TMEFF2: variants seen among roughly 807,000 people sequenced by gnomAD.
The protein encoded by TMEFF2 is transmembrane protein with EGF like and two follistatin like domains 2.
In TMEFF2, 28 loss-of-function variants were observed where a neutral mutation model predicts 53.8. The ratio of observed to expected loss-of-function variants is 0.52; its 90% CI spans 0.39 to 0.71. TMEFF2 has a LOEUF of 0.71. Ranked by LOEUF, TMEFF2 falls within the 30% of genes least tolerant of loss-of-function variation. The probability of loss-of-function intolerance (pLI) is 0.00; values close to 1 mark genes in which losing one functional copy is unlikely to be tolerated. For synonymous variants in TMEFF2, 162 were observed against 166.3 expected (o/e 0.97, Z 0.20); for missense variants, 353 against 455.2 (o/e 0.78, Z 2.04).
intron 4 of TMEFF2, among the ~76,000 whole-genome samples, chr2:192,068,701 T>G (rs984009397): frequency 2.6e-5 from 4 of 151,890 alleles, no homozygotes; most frequent in Non-Finnish European, 5.9e-5. Flanking sequence ...TTGCCTACTA[T>G]GGGCATTAGT....
rs561687343 is a variant in TMEFF2, at chr2:192,101,417, C to T, written c.440-43642G>A. On this transcript the variant is annotated intron_variant, in intron 4 of 9. Transcript: ENST00000272771. ...TATTTACAAAACAACAATATAGTTA[C>T]TTTTTTCTGCAGTTTATAATTTGTG... is the stretch of plus-strand genomic sequence containing the variant. Among the ~76,000 whole-genome samples the T allele has an allele frequency of 9.2e-5, 14 of 152,178 alleles. No homozygotes were observed. The South Asian group carries it at 2.7e-3, about 29-fold the overall frequency.
rs375876597 is a variant in TMEFF2, at chr2:192,051,230, G to GGTTT, written c.536+6448_536+6449insAAAC. ...AGCAGATCTATTATCTTTTTTCTGG[G>GGTTT]TTTTTTTTTTTCATTGTCTCCATGA... On this transcript the variant is annotated intron_variant, in intron 5 of 9. Coordinates refer to ENST00000272771, the MANE Select transcript of TMEFF2 (RefSeq NM_016192.4). Among the ~76,000 whole-genome samples the GGTTT allele has an allele frequency of 1.5e-4, 22 of 145,634 alleles. No homozygotes were observed. The East Asian group carries it at 2.8e-3, about 18-fold the overall frequency.
intron 4 of TMEFF2, among the ~76,000 whole-genome samples, chr2:192,087,554 G>A (rs1361619945): frequency 6.6e-6 from 1 of 152,080 alleles, no homozygotes. Context: ...AAAAGCCTAA[G>A]GCATACTGCC....
chr2:192,094,644 A>C (rs1371306107), intron 4 of TMEFF2, among the ~76,000 whole-genome samples: 1 of 152,190 alleles, frequency 6.6e-6, no homozygotes, highest in East Asian at 1.9e-4. Flanking sequence ...CTCTTCTTAA[A>C]CCAGTCTATC....
intron 4 of TMEFF2, among the ~76,000 whole-genome samples, chr2:192,125,752 C>T (rs975054967): frequency 6.6e-6 from 1 of 152,172 alleles, no homozygotes; most frequent in East Asian, 1.9e-4. Flanking sequence ...CTGTTATCCT[C>T]AGCAAACTAA....
chr2:191,992,572 G>A (rs1435065015), intron 7 of TMEFF2: 1 of 151,946 alleles, frequency 6.6e-6, no homozygotes, highest in Non-Finnish European at 1.5e-5. Flanking sequence ...TACCCTTAGT[G>A]CTTTATTGGG....
intron 5 of TMEFF2, among the ~76,000 whole-genome samples, chr2:192,046,263 C>A (rs181534961): frequency 6.6e-6 from 1 of 152,130 alleles, no homozygotes; most frequent in Admixed American, 6.5e-5. Context: ...ACTTGGGAGG[C>A]TGAGACAGGA....
intron 5 of TMEFF2, among the ~76,000 whole-genome samples, chr2:192,009,742 A>AT (rs1686582454): frequency 6.6e-6 from 1 of 152,196 alleles, no homozygotes; most frequent in Non-Finnish European, 1.5e-5. Context: ...GGGAAATATG[A>AT]TTAAGGTAGG....
intron 7 of TMEFF2, among the ~76,000 whole-genome samples, chr2:191,964,229 TTTCCTTCCTTCCTTCC>T (rs138916856): frequency 1.4e-5 from 2 of 140,690 alleles, no homozygotes; most frequent in African/African-American, 5.5e-5. Context: ...TCTGTCTTTC[TTTCCTTCCTTCCTTCC>T]TTCCTTCCTT....
chr2:192,063,040 TTTTTA>T (rs1688086098), intron 4 of TMEFF2, among the ~76,000 whole-genome samples: 1 of 151,930 alleles, frequency 6.6e-6, no homozygotes, highest in Non-Finnish European at 1.5e-5. Context: ...TATTTCACTT[TTTTTA>T]TTTTATTGAT....
At chr2:191,960,947 G>T (rs116128805) in intron 7 of TMEFF2, among the ~76,000 whole-genome samples, 2,021 of 152,168 alleles carry the variant, frequency 0.013, 46 homozygotes, top group African/African-American at 0.045. Flanking sequence ...TAAGTTCATT[G>T]AATTCTGAAA....
intron 4 of TMEFF2, among the ~76,000 whole-genome samples, chr2:192,132,227 TCC>T (rs1689856766): frequency 6.6e-6 from 1 of 151,966 alleles, no homozygotes; most frequent in Admixed American, 6.6e-5. Context: ...TGACTAGCCC[TCC>T]CCCACCTGCC....
At chr2:192,135,442 C>T (rs1689976818) in intron 4 of TMEFF2, among the ~76,000 whole-genome samples, 1 of 152,060 alleles carries the variant, frequency 6.6e-6, no homozygotes, top group Non-Finnish European at 1.5e-5. Context: ...AGGCCATCAC[C>T]AATAATTCTA....
At position 192,114,349 on chromosome 2, in the gene TMEFF2, A is replaced by C. The variant is rs539205408; in HGVS notation, c.440-56574T>G. 1.1e-4 allele frequency among the ~76,000 whole-genome samples: 16 copies of C among 151,964 alleles called. 1 individual carries two copies. In the East Asian group the frequency reaches 2.9e-3, roughly 27 times the overall value. ...ACAATATATTTGGAATAAATAAAAT[A>C]TAAATTAAAAATATAAAAATGCAAG... On this transcript the variant is annotated intron_variant, in intron 4 of 9. Transcript: ENST00000272771.
intron 4 of TMEFF2, among the ~76,000 whole-genome samples, chr2:192,092,017 C>CTTAA (rs1231202197): frequency 0.02 from 3,111 of 152,244 alleles, 96 homozygotes; most frequent in African/African-American, 0.07. Context: ...GAAACTTAAA[C>CTTAA]AACTGATGTC....
At chr2:192,118,025 T>A (rs886760994) in intron 4 of TMEFF2, among the ~76,000 whole-genome samples, 1 of 150,288 alleles carries the variant, frequency 6.7e-6, no homozygotes, top group African/African-American at 2.5e-5. Context: ...GCCAAGAATC[T>A]GGATACCCTC....
At chr2:192,189,565 A>AAAAAAAAAC (rs1340411341) in intron 2 of TMEFF2, among the ~76,000 whole-genome samples, 1 of 150,356 alleles carries the variant, frequency 6.7e-6, no homozygotes, top group Non-Finnish European at 1.5e-5. Context: ...CAAAAAAAAA[A>AAAAAAAAAC]AAAGGAATGC....
intron 7 of TMEFF2, among the ~76,000 whole-genome samples, chr2:191,995,396 T>C (rs1336862981): frequency 1.1e-4 from 17 of 152,008 alleles, no homozygotes; most frequent in Non-Finnish European, 5.9e-5. Context: ...AGATCCTTAC[T>C]TCCCTCAGGT....
chr2:191,983,809 A>G (rs903579348), intron 7 of TMEFF2, among the ~76,000 whole-genome samples: 1 of 152,228 alleles, frequency 6.6e-6, no homozygotes, highest in Admixed American at 6.5e-5. Context: ...TCATCTGCCT[A>G]ATGTTTATAT....
Sources: gnomAD v4.1 joint callset for allele counts (sites outside exome capture counted in the v4.1 genomes callset) on GRCh38, gnomAD v4.1.1 for gene constraint, MANE v1.5 for transcripts, NCBI Gene and HGNC (gene_info 2026-07-23, HGNC 2026-07-21) for gene names.